LRCH3: variants seen among roughly 807,000 people sequenced by gnomAD.
LRCH3 encodes DISP complex protein LRCH3.
Under a neutral mutation model 104.5 loss-of-function variants are expected in LRCH3, and 68 were observed. The ratio of observed to expected loss-of-function variants is 0.65; its 90% CI spans 0.54 to 0.80. LRCH3 has a LOEUF of 0.80. Among genes scored for constraint, LRCH3 ranks in the 30% least tolerant of loss-of-function variants. The pLI, the probability that LRCH3 is intolerant of heterozygous loss-of-function variation, is 0.00. For missense variants in LRCH3, 951 were observed against 953.9 expected (o/e 1.00, Z 0.04); for synonymous variants, 344 against 361.3 (o/e 0.95, Z 0.54).
chr3:197,825,811 G>A (rs1735140128), intron 4 of LRCH3, among the ~76,000 whole-genome samples: 2 of 151,928 alleles, frequency 1.3e-5, no homozygotes, highest in African/African-American at 4.8e-5. Flanking sequence ...ATTCATTTCT[G>A]TGTCATTTTG....
At position 197,866,231 on chromosome 3, in the gene LRCH3, T is replaced by G; in HGVS notation, c.1873+12T>G. On this transcript the variant is annotated intron_variant, in intron 17 of 20. Coordinates refer to ENST00000425562, the MANE Select transcript of LRCH3 (RefSeq NM_001365715.1). ...AGAAACCAACAAAGGTAGGTGGTGG[T>G]GATTTTAAAAGCCAGGAGCGAGGGG... 6.2e-7 allele frequency: 1 copy of G among 1,603,772 alleles called. No individual in the cohort carries two copies. Among genetic ancestry groups the G allele is most frequent in the Non-Finnish European group, 8.5e-7 (1 of 1,170,626 alleles).
intron 8 of LRCH3, 105 bp downstream of exon 8, chr3:197,832,422 A>G: frequency 2.7e-6 from 3 of 1,118,768 alleles, no homozygotes; most frequent in Non-Finnish European, 3.7e-6. Flanking sequence ...TAGCTTCTTC[A>G]CTCTTCTTTT....
chr3:197,842,988 G>A (rs1424507149), intron 10 of LRCH3, among the ~76,000 whole-genome samples: 1 of 151,730 alleles, frequency 6.6e-6, no homozygotes, highest in Non-Finnish European at 1.5e-5. Context: ...GGGAGGCTGC[G>A]GCAGGAGAAT....
chr3:197,835,685 C>G lies in LRCH3; in HGVS notation c.1114C>G (p.Leu372Val). Residue 372 changes from leucine to valine, a missense_variant, in exon 9 of 21, where the codon CTG becomes GTG. Transcript: ENST00000425562. ...TGTGGTGTATACAGTGGAACATGATCTGGATCAGATTGACTACATAGACAG... is the reference window on the plus strand; with the variant it reads ...TGTGGTGTATACAGTGGAACATGATGTGGATCAGATTGACTACATAGACAG... ...VVTNGGVEHD[L>V]DQIDYIDSCT... is the part of the protein sequence containing the mutation. 6.2e-7 allele frequency: 1 copy of G among 1,612,880 alleles called. No homozygotes were observed. Among genetic ancestry groups the G allele is most frequent in the Non-Finnish European group, 8.5e-7 (1 of 1,179,588 alleles).
chr3:197,811,397 T>C lies in LRCH3; in HGVS notation c.263-3511T>C, dbSNP rs185807010. Reference sequence around the variant, plus strand: ...TTCTTTACAGTTTTACATTGCTCAGTGTTGAAAATCTCTTATACAGATTAT... The same window carrying C: ...TTCTTTACAGTTTTACATTGCTCAGCGTTGAAAATCTCTTATACAGATTAT... On this transcript the variant is annotated intron_variant, in intron 1 of 20. Coordinates refer to ENST00000425562, the MANE Select transcript of LRCH3 (RefSeq NM_001365715.1). 3.2e-3 allele frequency among the ~76,000 whole-genome samples: 490 copies of C among 152,244 alleles called. 1 individual carries two copies. Among genetic ancestry groups the C allele is most frequent in the Admixed American group, 4.0e-3 (61 of 15,294 alleles).
At chr3:197,855,108 T>A (rs1006552370) in intron 14 of LRCH3, among the ~76,000 whole-genome samples, 11 of 152,180 alleles carry the variant, frequency 7.2e-5, no homozygotes, top group African/African-American at 2.4e-4. Flanking sequence ...ATGTGATTGT[T>A]TTCATAGTAG....
chr3:197,880,560 A>T, intron 20 of LRCH3: 2 of 1,536,462 alleles, frequency 1.3e-6, no homozygotes, highest in Non-Finnish European at 1.7e-6. Context: ...CCTCAGCGTT[A>T]AAAGAACTGT....
chr3:197,809,095 C>G (rs1168996175), intron 1 of LRCH3, among the ~76,000 whole-genome samples: 1 of 151,856 alleles, frequency 6.6e-6, no homozygotes, highest in Non-Finnish European at 1.5e-5. Context: ...GTCAGGAGTT[C>G]AGGACCAGCC....
intron 3 of LRCH3, among the ~76,000 whole-genome samples, chr3:197,819,024 G>T (rs1734170218): frequency 6.6e-6 from 1 of 151,938 alleles, no homozygotes; most frequent in Non-Finnish European, 1.5e-5. Flanking sequence ...AACTTGGGAG[G>T]CTGAGGCAGG....
At chr3:197,801,999 C>G (rs938479848) in intron 1 of LRCH3, among the ~76,000 whole-genome samples, 19 of 152,160 alleles carry the variant, frequency 1.2e-4, no homozygotes, top group African/African-American at 4.6e-4. Flanking sequence ...GTCCTGGATG[C>G]CACTTGTATT....
In LRCH3 at chr3:197,829,554, CTTTA is replaced by C. The variant is rs1215849176; in HGVS notation, c.778-5_778-2del. ...TAATAATTTGGCTACATCTGTGTGA[CTTTA>C]TTTAGATATGTATAAAAGGCAAAGT... is the stretch of plus-strand genomic sequence containing the variant. On this transcript the variant is annotated splice_region_variant and splice_polypyrimidine_tract_variant and intron_variant, in intron 5 of 20. Transcript: ENST00000425562. 1 of 1,579,506 alleles carries C rather than the reference CTTTA, an allele frequency of 6.3e-7. No individual in the cohort carries two copies. The highest frequency in any genetic ancestry group is 2.2e-5 in the East Asian group (1 of 44,634).
chr3:197,813,392 C>T (rs1285697845), intron 1 of LRCH3, among the ~76,000 whole-genome samples: 1 of 151,944 alleles, frequency 6.6e-6, no homozygotes, highest in African/African-American at 2.4e-5. Context: ...CATCATATTC[C>T]TTTGTCCTCT....
At position 197,829,583 on chromosome 3, in the gene LRCH3, T is replaced by A; in HGVS notation, c.797T>A (p.Val266Asp). 6.2e-7 allele frequency: 1 copy of A among 1,610,794 alleles called. No individual in the cohort carries two copies. Among genetic ancestry groups the A allele is most frequent in the Non-Finnish European group, 8.5e-7 (1 of 1,179,090 alleles). Residue 266 changes from valine (V) to aspartate (D), a missense_variant, in exon 6 of 21, where the codon GTC (valine) becomes GAC (aspartate). Transcript: ENST00000425562. The stretch of plus-strand genomic sequence containing the variant: ...ATTTAGATATGTATAAAAGGCAAAG[T>A]CCACATATTTAAATACCTGAACATA... ...PPAQICIKGKVHIFKYLNIQA... is the reference protein window; with the variant it reads ...PPAQICIKGKDHIFKYLNIQA...
At chr3:197,831,543 G>T (rs1263244982) in intron 7 of LRCH3, among the ~76,000 whole-genome samples, 1 of 151,788 alleles carries the variant, frequency 6.6e-6, no homozygotes, top group Non-Finnish European at 1.5e-5. Flanking sequence ...AATTACTTGT[G>T]TTTGTATGTC....
intron 17 of LRCH3, among the ~76,000 whole-genome samples, chr3:197,869,226 A>C (rs544363725): frequency 6.6e-6 from 1 of 152,136 alleles, no homozygotes; most frequent in African/African-American, 2.4e-5. Context: ...AAAGCGATGC[A>C]CTGTACCTGC....
chr3:197,860,274 G>A (rs1740718678), intron 15 of LRCH3, among the ~76,000 whole-genome samples: 1 of 152,170 alleles, frequency 6.6e-6, no homozygotes, highest in Admixed American at 6.5e-5. Flanking sequence ...AGTGCTAGGT[G>A]TCAGCCACTG....
At chr3:197,822,657 G>A (rs1169331889) in intron 4 of LRCH3, among the ~76,000 whole-genome samples, 2 of 152,128 alleles carry the variant, frequency 1.3e-5, no homozygotes, top group Non-Finnish European at 2.9e-5. Flanking sequence ...ATTCGTTCGT[G>A]TGGAAGTTTG....
At chr3:197,839,862 A>G (rs1737531277) in intron 10 of LRCH3, among the ~76,000 whole-genome samples, 1 of 151,824 alleles carries the variant, frequency 6.6e-6, no homozygotes, top group African/African-American at 2.4e-5. Flanking sequence ...TGGTCCCAGC[A>G]ACTCAGAGGC....
At chr3:197,827,115 T>C (rs894648832) in intron 5 of LRCH3, 101 bp downstream of exon 5, 28 of 1,537,544 alleles carry the variant, frequency 1.8e-5, no homozygotes, top group Middle Eastern at 1.9e-4. Context: ...AGGTAAATCA[T>C]AGTGGAAGCA....
Sources: gnomAD v4.1 joint callset for allele counts (sites outside exome capture counted in the v4.1 genomes callset) on GRCh38, gnomAD v4.1.1 for gene constraint, MANE v1.5 for transcripts, NCBI Gene and HGNC (gene_info 2026-07-23, HGNC 2026-07-21) for gene names.